The following CNTN5 variants were observed in gnomAD, a reference collection of about 807,000 sequenced individuals.
The protein encoded by CNTN5 is contactin 5, also known as contactin-5.
Under a neutral mutation model 129.1 loss-of-function variants are expected in CNTN5, and 77 were observed. That is an observed-to-expected ratio of 0.60 (90% confidence interval 0.50 to 0.72). The LOEUF is 0.72. Ranked by LOEUF, CNTN5 falls within the 30% of genes least tolerant of loss-of-function variation. The pLI, the probability that CNTN5 is intolerant of heterozygous loss-of-function variation, is 0.00. For synonymous variants in CNTN5, 509 were observed against 465.6 expected, an observed-to-expected ratio of 1.09 and a Z score of -1.20; for missense variants, 1,478 against 1,328.8, an observed-to-expected ratio of 1.11 and a Z score of -1.75.
chr11:99,376,775 A>G (rs138786743), intron 2 of CNTN5, among the ~76,000 whole-genome samples: 5 of 152,336 alleles, frequency 3.3e-5, no homozygotes, highest in Non-Finnish European at 7.4e-5. Context: ...TGTTATAAAA[A>G]TAGCACCTGG....
At position 99,844,857 on chromosome 11, in the gene CNTN5, G is replaced by A. The variant is rs200070246; in HGVS notation, c.283G>A (p.Val95Met). The change falls in exon 5 of 25, where the codon GTG (valine) becomes ATG (methionine). Residue 95 changes from valine (V) to methionine (M), a missense_variant. By Grantham distance (21) the Val-to-Met change is conservative (BLOSUM62 1). Transcript: ENST00000524871. Reference protein sequence around the residue: ...SSDAFKQDESVDYGPVFVQEP... With the variant: ...SSDAFKQDESMDYGPVFVQEP... ...TGTCTGTTTTGTCTTTACAGAAAGT[G>A]TGGACTATGGGCCAGTTTTTGTGCA... is the stretch of plus-strand genomic sequence containing the variant. The A allele has an allele frequency of 1.7e-5, 28 of 1,611,990 alleles. No homozygotes were observed. The South Asian group carries it at 2.9e-4, about 17-fold the overall frequency.
Position 99,747,341 on chromosome 11 carries a change from ATAAAG to A in CNTN5, c.56-72199_56-72195del, listed in dbSNP as rs535682148. On this transcript the variant is annotated intron_variant, in intron 3 of 24. Coordinates refer to ENST00000524871, the MANE Select transcript of CNTN5 (RefSeq NM_014361.4). ...GTCTTTGCAGTTTTCTAAAAATAAG[ATAAAG>A]TAATCTGTAAACAGATACAATTTTA... Among the ~76,000 whole-genome samples the A allele has an allele frequency of 1.9e-3, 290 of 152,250 alleles. 1 individual carries two copies. Among genetic ancestry groups the A allele is most frequent in the Middle Eastern group, 3.4e-3 (1 of 294 alleles).
intron 16 of CNTN5, among the ~76,000 whole-genome samples, chr11:100,234,646 G>T (rs1234232743): frequency 6.6e-6 from 1 of 151,880 alleles, no homozygotes; most frequent in Non-Finnish European, 1.5e-5. Flanking sequence ...CCTGCCAGCA[G>T]GGTGGGGGTG....
At chr11:99,818,442 A>T (rs1946664969) in intron 3 of CNTN5, among the ~76,000 whole-genome samples, 1 of 152,170 alleles carries the variant, frequency 6.6e-6, no homozygotes, top group Non-Finnish European at 1.5e-5. Flanking sequence ...CTTTTTGTGT[A>T]GATGGGGTCT....
chr11:99,635,815 G>T (rs759372238), intron 3 of CNTN5, among the ~76,000 whole-genome samples: 1 of 151,988 alleles, frequency 6.6e-6, no homozygotes, highest in Non-Finnish European at 1.5e-5. Flanking sequence ...GCATTTGGGG[G>T]TTCACAGCTT....
intron 2 of CNTN5, among the ~76,000 whole-genome samples, chr11:99,447,883 C>A (rs1268406969): frequency 6.6e-6 from 1 of 152,048 alleles, no homozygotes; most frequent in Non-Finnish European, 1.5e-5. Context: ...CAAGATCGTG[C>A]CATTGCACTC....
intron 3 of CNTN5, among the ~76,000 whole-genome samples, chr11:99,559,160 T>C (rs1232645204): frequency 1.3e-5 from 2 of 152,228 alleles, no homozygotes; most frequent in East Asian, 1.9e-4. Context: ...TGTATATGAA[T>C]GTCACATTAT....
chr11:99,098,403 C>T (rs985308652), intron 1 of CNTN5, among the ~76,000 whole-genome samples: 1 of 151,978 alleles, frequency 6.6e-6, no homozygotes, highest in Non-Finnish European at 1.5e-5. Context: ...TTTTTATTTC[C>T]TCGAGGTACC....
chr11:100,026,187 T>G (rs1941410790), intron 9 of CNTN5, among the ~76,000 whole-genome samples: 1 of 152,096 alleles, frequency 6.6e-6, no homozygotes, highest in Non-Finnish European at 1.5e-5. Context: ...TAAGTTCTTA[T>G]GAGATCTGAG....
chr11:99,456,471 A>C (rs998664596), intron 2 of CNTN5, among the ~76,000 whole-genome samples: 2 of 152,174 alleles, frequency 1.3e-5, no homozygotes, highest in African/African-American at 4.8e-5. Flanking sequence ...TGAGAGAATA[A>C]ATTTTTCCCT....
chr11:100,139,599 C>G (rs1946627938), intron 13 of CNTN5, among the ~76,000 whole-genome samples: 1 of 152,152 alleles, frequency 6.6e-6, no homozygotes, highest in East Asian at 1.9e-4. Flanking sequence ...TGTGGTGGCT[C>G]ACGCCTGTAA....
At chr11:99,971,361 G>A (rs1043219330) in intron 8 of CNTN5, among the ~76,000 whole-genome samples, 64 of 151,924 alleles carry the variant, frequency 4.2e-4, no homozygotes, top group African/African-American at 9.7e-4. Flanking sequence ...TGGCCAACAC[G>A]GTGAAACCCC....
intron 8 of CNTN5, among the ~76,000 whole-genome samples, chr11:99,983,377 A>T (rs970627740): frequency 4.1e-5 from 6 of 148,090 alleles, no homozygotes; most frequent in African/African-American, 1.5e-4. Flanking sequence ...TTGTGAGGAG[A>T]GGTATCAGTA....
At chr11:99,123,685 A>G (rs1301484910) in intron 1 of CNTN5, among the ~76,000 whole-genome samples, 1 of 144,438 alleles carries the variant, frequency 6.9e-6, no homozygotes, top group Non-Finnish European at 1.5e-5. Context: ...TTTAGGTTTT[A>G]CATTTAAGTC....
At chr11:99,363,807 C>T (rs1278337403) in intron 2 of CNTN5, among the ~76,000 whole-genome samples, 1 of 152,032 alleles carries the variant, frequency 6.6e-6, no homozygotes, top group Non-Finnish European at 1.5e-5. Flanking sequence ...TATAAGTAAG[C>T]AATAATCTTT....
chr11:99,785,046 G>T (rs1023695257), intron 3 of CNTN5, among the ~76,000 whole-genome samples: 5 of 147,108 alleles, frequency 3.4e-5, no homozygotes, highest in African/African-American at 1.2e-4. Flanking sequence ...TGATCCGCCT[G>T]CCTCCGCCTG....
intron 3 of CNTN5, among the ~76,000 whole-genome samples, chr11:99,714,441 A>T (rs7946265): frequency 0.17 from 26,297 of 151,848 alleles, 2,497 homozygotes; most frequent in African/African-American, 0.21. Context: ...CATGCTGTGT[A>T]TTACAAAAGG....
chr11:99,517,378 A>T (rs1191998422), intron 2 of CNTN5, among the ~76,000 whole-genome samples: 1 of 152,068 alleles, frequency 6.6e-6, no homozygotes, highest in Non-Finnish European at 1.5e-5. Context: ...ACAATGCAAA[A>T]CTAATCACAT....
intron 3 of CNTN5, among the ~76,000 whole-genome samples, chr11:99,795,148 C>T (rs1013739878): frequency 6.6e-6 from 1 of 151,994 alleles, no homozygotes; most frequent in African/African-American, 2.4e-5. Flanking sequence ...TTATTTTTGT[C>T]TGACTACATT....
Sources: allele counts gnomAD v4.1 joint callset (sites outside exome capture counted in the v4.1 genomes callset), GRCh38; gene constraint gnomAD v4.1.1; transcripts MANE v1.5; gene names NCBI Gene and HGNC (gene_info 2026-07-23, HGNC 2026-07-21).